RPS6KA5: variants seen among roughly 807,000 people sequenced by gnomAD.
RPS6KA5 encodes the protein ribosomal protein S6 kinase A5.
RPS6KA5 carries 27 observed loss-of-function variants against 85.5 expected under a neutral mutation model. The observed-to-expected ratio is 0.32, with a 90% CI of 0.23 to 0.44. The LOEUF (loss-of-function observed/expected upper bound fraction) is 0.44. RPS6KA5 is among the 20% of genes least tolerant of loss of function. The pLI is 1.00. For synonymous variants in RPS6KA5, 334 were observed against 348.2 expected (o/e 0.96, Z 0.46); for missense variants, 811 against 980.9 (o/e 0.83, Z 2.31).
At chr14:91,025,665 A>C (rs2139814363) in intron 1 of RPS6KA5, among the ~76,000 whole-genome samples, 1 of 152,276 alleles carries the variant, frequency 6.6e-6, no homozygotes, top group East Asian at 1.9e-4. Context: ...GTTCTAAAAA[A>C]AAAAAGCAAA....
At chr14:90,956,776 C>T (rs966205540) in intron 3 of RPS6KA5, among the ~76,000 whole-genome samples, 3 of 151,494 alleles carry the variant, frequency 2.0e-5, no homozygotes, top group Non-Finnish European at 4.4e-5. Context: ...TATATAGAAA[C>T]ATTAATTCTA....
At chr14:90,958,048 G>C (rs1006508288) in intron 3 of RPS6KA5, among the ~76,000 whole-genome samples, 6 of 152,136 alleles carry the variant, frequency 3.9e-5, no homozygotes, top group Non-Finnish European at 8.8e-5. Flanking sequence ...GCTGAGCCAG[G>C]AGGATCGCTT....
intron 8 of RPS6KA5, among the ~76,000 whole-genome samples, chr14:90,904,446 T>C (rs1302616826): frequency 6.6e-6 from 1 of 152,178 alleles, no homozygotes; most frequent in Middle Eastern, 3.2e-3. Flanking sequence ...GGCCGAGAAA[T>C]AAGAAATAAC....
At chr14:91,039,037 A>C (rs1357984824) in intron 1 of RPS6KA5, among the ~76,000 whole-genome samples, 1 of 152,150 alleles carries the variant, frequency 6.6e-6, no homozygotes, top group African/African-American at 2.4e-5. Context: ...TCAAAAGCTA[A>C]AAGAGGTCCA....
intron 3 of RPS6KA5, among the ~76,000 whole-genome samples, chr14:90,971,882 G>T (rs905742263): frequency 6.6e-6 from 1 of 152,336 alleles, no homozygotes; most frequent in East Asian, 1.9e-4. Context: ...TTCAGGGCAG[G>T]CTAAGAAGGA....
chr14:90,881,323 T>C (rs1361920538), intron 14 of RPS6KA5, among the ~76,000 whole-genome samples: 2 of 151,016 alleles, frequency 1.3e-5, no homozygotes, highest in Non-Finnish European at 2.9e-5. Flanking sequence ...TCATGGTATA[T>C]GCGCCTGTAA....
At chr14:91,052,008 G>C (rs368832621) in intron 1 of RPS6KA5, among the ~76,000 whole-genome samples, 1 of 152,034 alleles carries the variant, frequency 6.6e-6, no homozygotes, top group African/African-American at 2.4e-5. Flanking sequence ...TTTAATGCTC[G>C]TAAATACTTT....
chr14:90,995,247 A>C (rs1052077338), intron 2 of RPS6KA5, among the ~76,000 whole-genome samples: 4 of 152,130 alleles, frequency 2.6e-5, no homozygotes, highest in Admixed American at 6.5e-5. Flanking sequence ...AGCCTCCCAA[A>C]GTGCTGTGAT....
intron 1 of RPS6KA5, among the ~76,000 whole-genome samples, chr14:91,004,480 AC>A (rs1282751921): frequency 6.6e-6 from 1 of 152,230 alleles, no homozygotes; most frequent in African/African-American, 2.4e-5. Flanking sequence ...CTGTCAGATA[AC>A]ATTCCTTTGG....
intron 1 of RPS6KA5, among the ~76,000 whole-genome samples, chr14:91,043,846 G>C (rs1440594287): frequency 1.3e-5 from 2 of 152,158 alleles, no homozygotes; most frequent in Non-Finnish European, 1.5e-5. Context: ...CCTTGAGTGA[G>C]TGAATATCAC....
Position 90,892,013 on chromosome 14 carries a change from T to G in RPS6KA5, c.1645-1335A>C, listed in dbSNP as rs529725147. ...GATTTTAGTTCTTTTTTTTTTTTTTTTGAGAGAGACAGTCTTGCTCTGTTG... is the reference window on the plus strand; with the variant it reads ...GATTTTAGTTCTTTTTTTTTTTTTTGTGAGAGAGACAGTCTTGCTCTGTTG... On this transcript the variant is annotated intron_variant, in intron 13 of 16. Transcript: ENST00000614987. Among the ~76,000 whole-genome samples, 21 of 151,692 alleles carry G rather than the reference T, an allele frequency of 1.4e-4. No individual in the cohort carries two copies. In the South Asian group the frequency reaches 2.1e-3, roughly 15 times the overall value.
chr14:90,879,329 C>T (rs979753389), intron 14 of RPS6KA5, among the ~76,000 whole-genome samples: 1 of 152,242 alleles, frequency 6.6e-6, no homozygotes, highest in African/African-American at 2.4e-5. Context: ...ACACTATGGC[C>T]TCACTGAAGG....
In RPS6KA5 at chr14:90,900,253, T is replaced by C; in HGVS notation, c.1246-12A>G. 6.5e-7 allele frequency: 1 copy of C among 1,532,720 alleles called. No homozygotes were observed. The highest frequency in any genetic ancestry group is 8.8e-7 in the Non-Finnish European group (1 of 1,140,552). The allele number at this position is 1,532,720 out of a possible 1,614,324, so 94.9% of individuals were successfully genotyped here. A position where few individuals can be genotyped will look rare whatever the true frequency, so the allele number is the denominator to read the frequency against. On this transcript the variant is annotated splice_polypyrimidine_tract_variant and intron_variant, in intron 10 of 16. Transcript: ENST00000614987. ...TAGAATGGAGAGTCCTGTCAAGAAA[T>C]CAACATCATTTAACTTCAGAAAATG...
At position 90,899,381 on chromosome 14, in the gene RPS6KA5, A is replaced by T; in HGVS notation, c.1421T>A (p.Leu474His). 6.2e-7 allele frequency: 1 copy of T among 1,613,368 alleles called. No individual in the cohort carries two copies. Among genetic ancestry groups the T allele is most frequent in the African/African-American group, 1.3e-5 (1 of 74,862 alleles). Residue 474 changes from leucine (L) to histidine (H), a missense_variant, in exon 12 of 17, where the codon CTC becomes CAC. Leu to His is a moderately conservative substitution (Grantham distance 99, BLOSUM62 -3). Around this residue, in one of 3 missense-constraint regions of RPS6KA5, gnomAD observed 650 missense variants for 793.4 expected, o/e 0.82. Coordinates refer to ENST00000614987, the MANE Select transcript of RPS6KA5 (RefSeq NM_004755.4). The stretch of plus-strand genomic sequence containing the variant: ...CACAATATTGGGGTGTCCTTCACAG[A>T]GTTTCAGAGCTGTTATTTCCTTTTG... ...NTQKEITALK[L>H]CEGHPNIVKL...
chr14:91,052,896 G>A lies in RPS6KA5; in HGVS notation c.103+7436C>T, dbSNP rs141938016. Among the ~76,000 whole-genome samples the A allele has an allele frequency of 1.8e-3, 276 of 150,710 alleles. 1 individual carries two copies. Among genetic ancestry groups the A allele is most frequent in the African/African-American group, 6.0e-3 (248 of 41,110 alleles). ...CAGAACTCAATCAAGAATATTTTGGGGAGACTAGACAGAGGTATCACCAAA... is the reference window on the plus strand; with the variant it reads ...CAGAACTCAATCAAGAATATTTTGGAGAGACTAGACAGAGGTATCACCAAA... On this transcript the variant is annotated intron_variant, in intron 1 of 16. Transcript: ENST00000614987.
chr14:90,958,983 A>G (rs893973050), intron 3 of RPS6KA5, among the ~76,000 whole-genome samples: 2 of 151,980 alleles, frequency 1.3e-5, no homozygotes, highest in Non-Finnish European at 2.9e-5. Flanking sequence ...AGCTGAGCAC[A>G]TATTTGAGGA....
chr14:91,007,709 G>T (rs1351160576), intron 1 of RPS6KA5, among the ~76,000 whole-genome samples: 9 of 147,506 alleles, frequency 6.1e-5, no homozygotes, highest in Admixed American at 2.0e-4. Flanking sequence ...TTACTATTTT[G>T]TTTTTTTTTT....
At chr14:90,876,664 T>C (rs2033497929) in intron 14 of RPS6KA5, among the ~76,000 whole-genome samples, 1 of 152,170 alleles carries the variant, frequency 6.6e-6, no homozygotes, top group Admixed American at 6.5e-5. Flanking sequence ...TAGCTGTGTC[T>C]GGGTATGGAC....
At chr14:91,004,688 C>A (rs2040933939) in intron 1 of RPS6KA5, among the ~76,000 whole-genome samples, 2 of 152,006 alleles carry the variant, frequency 1.3e-5, no homozygotes, top group Admixed American at 1.3e-4. Context: ...CAGTTCCAGG[C>A]CGGGCGCGGT....
Sources: allele counts gnomAD v4.1 joint callset (sites outside exome capture counted in the v4.1 genomes callset), GRCh38; gene constraint gnomAD v4.1.1; regional missense constraint gnomAD v4.1.1; transcripts MANE v1.5; gene names NCBI Gene and HGNC (gene_info 2026-07-23, HGNC 2026-07-21).